CCDC150: variants seen among roughly 807,000 people sequenced by gnomAD.
The protein encoded by CCDC150 is coiled-coil domain containing 150.
A neutral mutation model predicts 156.5 loss-of-function variants in CCDC150; 151 were observed. The observed-to-expected ratio is 0.97, with a 90% confidence interval of 0.85 to 1.10. CCDC150 has a LOEUF of 1.10. Ranked by LOEUF, CCDC150 falls within the 50% of genes least tolerant of loss-of-function variation. The pLI is 0.00. For missense variants in CCDC150, 1,312 were observed against 1,268.1 expected (o/e 1.03, Z -0.53); for synonymous variants, 452 against 429.4 (o/e 1.05, Z -0.65).
chr2:196,652,153 A>G (rs532909818), intron 2 of CCDC150, among the ~76,000 whole-genome samples: 2 of 152,284 alleles, frequency 1.3e-5, no homozygotes, highest in Admixed American at 6.5e-5. Context: ...AAACTATATC[A>G]TTCCACCCTT....
intron 24 of CCDC150, 40 bp from the exon 25 acceptor site, chr2:196,729,917 A>T: frequency 6.2e-7 from 1 of 1,607,118 alleles, no homozygotes; most frequent in Admixed American, 1.7e-5. Flanking sequence ...TCAAACTTGG[A>T]GGGTGTTCAC....
chr2:196,710,978 C>T (rs989039036), intron 15 of CCDC150, among the ~76,000 whole-genome samples: 1 of 152,076 alleles, frequency 6.6e-6, no homozygotes, highest in East Asian at 1.9e-4. Context: ...AGTTATTTGG[C>T]CTCACTCTAA....
At chr2:196,690,387 A>G (rs1055601495) in intron 13 of CCDC150, among the ~76,000 whole-genome samples, 1 of 152,148 alleles carries the variant, frequency 6.6e-6, no homozygotes, top group Admixed American at 6.5e-5. Context: ...TATAATAATA[A>G]TAAAATAAAA....
In CCDC150 at chr2:196,643,262, ACCT is replaced by A. The variant is rs372313741; in HGVS notation, c.13-3075_13-3073del. Among the ~76,000 whole-genome samples, 40 of 151,622 alleles carry A rather than the reference ACCT, an allele frequency of 2.6e-4. No homozygotes were observed. The South Asian group carries it at 7.8e-3, about 29-fold the overall frequency. ...CCTTCTTAGGGTGAATTTTCTATAAACCTCCTTCCCCTCAGAGGCTGGGCCAAG... is the reference window on the plus strand; with the variant it reads ...CCTTCTTAGGGTGAATTTTCTATAAACCTTCCCCTCAGAGGCTGGGCCAAG... On this transcript the variant is annotated intron_variant, in intron 1 of 27. Transcript: ENST00000389175.
At chr2:196,667,698 T>G (rs1693929604) in intron 7 of CCDC150, 2 of 152,248 alleles carry the variant, frequency 1.3e-5, no homozygotes, top group South Asian at 4.1e-4. Context: ...GTTCACCTTC[T>G]GTGCTCTATG....
Position 196,669,854 on chromosome 2 carries a change from C to T in CCDC150, c.914C>T (p.Ser305Phe), listed in dbSNP as rs761554605. The T allele has an allele frequency of 3.7e-6, 6 of 1,611,054 alleles. No homozygotes were observed. ...SDLTSRDDLI[S>F]KLVEENKNLQ... ...TTAGCTTCTAGAGATGACCTCATTT[C>T]CAAGTTGGTTGAAGAAAATAAGGTG... Residue 305 changes from serine to phenylalanine, a missense_variant, in exon 8 of 28, where the codon TCC becomes TTC. Physicochemically the swap from Ser to Phe is radical, Grantham distance 155. Coordinates refer to ENST00000389175, the MANE Select transcript of CCDC150 (RefSeq NM_001080539.2).
chr2:196,682,996 T>A (rs1265895495), intron 13 of CCDC150, among the ~76,000 whole-genome samples: 3 of 152,082 alleles, frequency 2.0e-5, no homozygotes, highest in Non-Finnish European at 4.4e-5. Context: ...CCTTTCCAAT[T>A]TGGCTGCCTT....
chr2:196,656,884 TC>T, intron 3 of CCDC150, 31 bp downstream of exon 3: 1 of 1,611,870 alleles, frequency 6.2e-7, no homozygotes, highest in Non-Finnish European at 8.5e-7. Flanking sequence ...AGAAATGTGG[TC>T]CTGTATAGGT....
At chr2:196,729,723 C>A in intron 23 of CCDC150, 70 bp from the exon 24 acceptor site, 1 of 1,030,268 alleles carries the variant, frequency 9.7e-7, no homozygotes, top group Non-Finnish European at 1.4e-6. Context: ...TTCTGTCATC[C>A]TATAGGCAAA....
At chr2:196,732,369 G>T (rs553819426) in intron 27 of CCDC150, 77 bp from the exon 28 acceptor site, 26 of 1,197,526 alleles carry the variant, frequency 2.2e-5, no homozygotes, top group Non-Finnish European at 2.9e-5. Context: ...TAGATGACAT[G>T]TGTAGAGGCA....
intron 1 of CCDC150, among the ~76,000 whole-genome samples, chr2:196,643,187 C>T (rs1233722762): frequency 6.6e-6 from 1 of 152,202 alleles, no homozygotes; most frequent in African/African-American, 2.4e-5. Flanking sequence ...CACTCAAAAG[C>T]TTTGTGCCCT....
At chr2:196,669,968 C>T (rs7590083) in intron 8 of CCDC150, 92 bp downstream of exon 8, 759,067 of 857,770 alleles carry the variant, frequency 0.88, 336,020 homozygotes, top group Admixed American at 0.93. Flanking sequence ...GTGCTTCTTA[C>T]TCTCATCAAA....
At chr2:196,698,518 A>G (rs983704247) in intron 14 of CCDC150, among the ~76,000 whole-genome samples, 1 of 152,108 alleles carries the variant, frequency 6.6e-6, no homozygotes, top group Non-Finnish European at 1.5e-5. Context: ...TTATTCTTTA[A>G]AAAAAACTTT....
intron 21 of CCDC150, among the ~76,000 whole-genome samples, chr2:196,722,885 A>T (rs1575967497): frequency 6.6e-6 from 1 of 152,236 alleles, no homozygotes; most frequent in South Asian, 2.1e-4. Context: ...CAAAGGAAAA[A>T]AAAAATGATT....
At chr2:196,653,382 T>G (rs1692992503) in intron 2 of CCDC150, among the ~76,000 whole-genome samples, 1 of 152,250 alleles carries the variant, frequency 6.6e-6, no homozygotes, top group Non-Finnish European at 1.5e-5. Context: ...TTTTACTGCT[T>G]ACAGATTTCT....
At position 196,732,469 on chromosome 2, in the gene CCDC150, C is replaced by T. The variant is rs753064833; in HGVS notation, c.3213C>T (p.Val1071=). Residue 1071 remains valine (V), a synonymous_variant, in exon 28 of 28, where the codon GTC becomes GTT. Coordinates refer to ENST00000389175, the MANE Select transcript of CCDC150 (RefSeq NM_001080539.2). ...AGGACCAAGATGTAAAACATGATGT[C>T]ATGTCCAACCAATCTGTTCTGCATC... ...QEKDQDVKHD[V]MSNQSVLHRW... 17 of 1,613,142 alleles carry T rather than the reference C, an allele frequency of 1.1e-5. No individual in the cohort carries two copies. In the African/African-American group the frequency reaches 1.6e-4, roughly 15 times the overall value.
chr2:196,726,871 T>C (rs996845842), intron 22 of CCDC150: 4 of 152,248 alleles, frequency 2.6e-5, no homozygotes, highest in African/African-American at 9.6e-5. Context: ...GTTGGATGTG[T>C]GCTCTTAGGT....
intron 21 of CCDC150, among the ~76,000 whole-genome samples, chr2:196,724,893 A>C (rs1286573826): frequency 1.3e-5 from 2 of 152,140 alleles, no homozygotes; most frequent in Non-Finnish European, 1.5e-5. Flanking sequence ...TGACTTCAGG[A>C]TCTCCATCCC....
At chr2:196,685,906 G>A (rs1309819698) in intron 13 of CCDC150, among the ~76,000 whole-genome samples, 3 of 152,048 alleles carry the variant, frequency 2.0e-5, no homozygotes, top group Non-Finnish European at 4.4e-5. Context: ...GAGCCACCGC[G>A]CCCAGCCGGT....
Sources: allele counts gnomAD v4.1 joint callset (sites outside exome capture counted in the v4.1 genomes callset), GRCh38; gene constraint gnomAD v4.1.1; transcripts MANE v1.5; gene names NCBI Gene and HGNC (gene_info 2026-07-23, HGNC 2026-07-21).